Variants in PSMD12 observed in about 807,000 individuals in gnomAD.
PSMD12 encodes 26S proteasome non-ATPase regulatory subunit 12.
In PSMD12, 8 loss-of-function variants were observed where a neutral mutation model predicts 62.9. That is an observed-to-expected ratio of 0.13 (90% CI 0.07 to 0.23). The LOEUF is 0.23. PSMD12 is among the 10% of genes least tolerant of loss of function. PSMD12 has a pLI of 1.00. For missense variants in PSMD12, 424 were observed against 550.2 expected (o/e 0.77, Z 2.29); for synonymous variants, 173 against 187.4 (o/e 0.92, Z 0.63).
At chr17:67,357,703 C>T in intron 1 of PSMD12, 125 bp from the exon 2 acceptor site, 1 of 902,478 alleles carries the variant, frequency 1.1e-6, no homozygotes, top group Non-Finnish European at 1.7e-6. Flanking sequence ...AAAGGACTAC[C>T]CATAACTAGT....
rs1346043049 is a variant in PSMD12 at position 67,340,125 on chromosome 17, C to G, written c.*718G>C. Reference sequence around the variant, plus strand: ...AAAAAAAAAAAAGTAGTCACTATCCCTATAGAGCGGACTTAACACCCAATA... The same window carrying G: ...AAAAAAAAAAAAGTAGTCACTATCCGTATAGAGCGGACTTAACACCCAATA... On this transcript the variant is annotated 3_prime_UTR_variant, in exon 11 of 11. Coordinates refer to ENST00000356126, the MANE Select transcript of PSMD12 (RefSeq NM_002816.5). 6.7e-6 allele frequency: 1 copy of G among 149,446 alleles called. No individual in the cohort carries two copies. The highest frequency in any genetic ancestry group is 6.7e-5 in the Admixed American group (1 of 14,922). 9.3% of individuals were successfully genotyped at this position (149,446 alleles called of 1,614,324 possible). A position where few individuals can be genotyped will look rare whatever the true frequency, so the allele number is the denominator to read the frequency against.
Position 67,340,345 on chromosome 17 carries a change from C to G in PSMD12, c.*498G>C, listed in dbSNP as rs1246315332. The G allele has an allele frequency of 6.6e-6, 1 of 151,908 alleles. No homozygotes were observed. Among genetic ancestry groups the G allele is most frequent in the Non-Finnish European group, 1.5e-5 (1 of 68,158 alleles). 9.4% of individuals were successfully genotyped at this position (151,908 alleles called of 1,614,324 possible). A position where few individuals can be genotyped will look rare whatever the true frequency, so the allele number is the denominator to read the frequency against. ...ATCAAAGTACAAATTCTTCACAAAT[C>G]ACAACTCTATCCCAAATGTTCTTGT... On this transcript the variant is annotated 3_prime_UTR_variant, in exon 11 of 11. Coordinates refer to ENST00000356126, the MANE Select transcript of PSMD12 (RefSeq NM_002816.5).
chr17:67,355,983 C>T (rs2042066039), intron 3 of PSMD12, among the ~76,000 whole-genome samples: 1 of 74,376 alleles, frequency 1.3e-5, no homozygotes, highest in African/African-American at 5.4e-5. Context: ...CACACACACA[C>T]ACACACACAC....
rs149562245 is a variant in PSMD12, at chr17:67,351,261, G to A, written c.298-925C>T. On this transcript the variant is annotated intron_variant, in intron 3 of 10. Transcript: ENST00000356126. ...AAAAAAATTAACCAGGCGTGGTGGC[G>A]GATGCCTGTAGTTCCAGCTACTTGG... Among the ~76,000 whole-genome samples, 939 of 152,010 alleles carry A rather than the reference G, an allele frequency of 6.2e-3. 15 individuals carry two copies. The highest frequency in any genetic ancestry group is 0.022 in the African/African-American group (905 of 41,454).
intron 4 of PSMD12, among the ~76,000 whole-genome samples, chr17:67,349,221 G>A (rs1434825621): frequency 6.6e-6 from 1 of 152,150 alleles, no homozygotes; most frequent in East Asian, 1.9e-4. Flanking sequence ...GTTTCTCCAT[G>A]TTGGTCAAGC....
chr17:67,351,232 A>T (rs1293231339), intron 3 of PSMD12, among the ~76,000 whole-genome samples: 1 of 152,056 alleles, frequency 6.6e-6, no homozygotes, highest in Non-Finnish European at 1.5e-5. Context: ...TCTACTAAAA[A>T]TACAAAAAAA....
intron 1 of PSMD12, among the ~76,000 whole-genome samples, 175 bp from the exon 2 acceptor site, chr17:67,357,753 G>A (rs1355677172): frequency 6.6e-6 from 1 of 152,198 alleles, no homozygotes; most frequent in African/African-American, 2.4e-5. Context: ...TCCTTCTCTA[G>A]TGGGTTCCAT....
intron 1 of PSMD12, among the ~76,000 whole-genome samples, chr17:67,357,956 C>T (rs908554395): frequency 7.3e-5 from 11 of 151,288 alleles, no homozygotes; most frequent in Non-Finnish European, 1.6e-4. Flanking sequence ...GAGTCTCACT[C>T]TTTCACCCAG....
chr17:67,344,893 G>C, intron 8 of PSMD12, 113 bp from the exon 9 acceptor site: 1 of 866,808 alleles, frequency 1.2e-6, no homozygotes, highest in Non-Finnish European at 1.7e-6. Flanking sequence ...ATTTTATTTA[G>C]TAGAATGAGA....
chr17:67,338,505 A>C lies in PSMD12; in HGVS notation c.*2338T>G, dbSNP rs910977764. On this transcript the variant is annotated 3_prime_UTR_variant, in exon 11 of 11. Transcript: ENST00000356126. ...GAGTGCAATTTGGTCACTGGGACACAGTTACAAATAGCACTGAATCATAAT... is the reference window on the plus strand; with the variant it reads ...GAGTGCAATTTGGTCACTGGGACACCGTTACAAATAGCACTGAATCATAAT... 5 of 152,256 alleles carry C rather than the reference A, an allele frequency of 3.3e-5. No individual in the cohort carries two copies. Among genetic ancestry groups the C allele is most frequent in the Non-Finnish European group, 5.9e-5 (4 of 68,048 alleles). 9.4% of individuals were successfully genotyped at this position (152,256 alleles called of 1,614,324 possible). A position where few individuals can be genotyped will look rare whatever the true frequency, so the allele number is the denominator to read the frequency against.
chr17:67,352,035 C>T (rs565812405), intron 3 of PSMD12, among the ~76,000 whole-genome samples: 195 of 150,620 alleles, frequency 1.3e-3, no homozygotes, highest in Admixed American at 2.1e-3. Context: ...GAGCCAAGAT[C>T]GCACCACTGC....
intron 1 of PSMD12, among the ~76,000 whole-genome samples, chr17:67,365,995 G>C (rs374786638): frequency 5.3e-5 from 8 of 152,198 alleles, no homozygotes; most frequent in African/African-American, 1.7e-4. Flanking sequence ...CCAAAGACCA[G>C]GCACATAGCC....
Position 67,366,522 on chromosome 17 carries a change from TC to T in PSMD12, c.-4del. 1 of 1,602,608 alleles carries T rather than the reference TC, an allele frequency of 6.2e-7. No homozygotes were observed. Among genetic ancestry groups the T allele is most frequent in the Admixed American group, 1.7e-5 (1 of 59,730 alleles). ...CGCTCCGAGCCGCCGTCCGCCATGG[TC>T]CCCGCCTGAGCGTCCCTTGCTGTCC... On this transcript the variant is annotated 5_prime_UTR_variant, in exon 1 of 11. Coordinates refer to ENST00000356126, the MANE Select transcript of PSMD12 (RefSeq NM_002816.5).
At chr17:67,343,316 G>C (rs1366730492) in intron 9 of PSMD12, among the ~76,000 whole-genome samples, 1 of 152,084 alleles carries the variant, frequency 6.6e-6, no homozygotes, top group African/African-American at 2.4e-5. Context: ...GCATTCTATT[G>C]ATTTCCTTCC....
At chr17:67,363,956 C>G (rs1050774733) in intron 1 of PSMD12, among the ~76,000 whole-genome samples, 2 of 151,752 alleles carry the variant, frequency 1.3e-5, no homozygotes, top group Non-Finnish European at 2.9e-5. Context: ...GGCTGAGGCA[C>G]GAGAATCGCT....
intron 7 of PSMD12, among the ~76,000 whole-genome samples, chr17:67,346,285 C>T (rs1355110187): frequency 6.6e-6 from 1 of 151,898 alleles, no homozygotes; most frequent in African/African-American, 2.4e-5. Context: ...GTCCCAGATA[C>T]TCGGGAGGCT....
chr17:67,366,344 G>A (rs1037014810), intron 1 of PSMD12, 68 bp downstream of exon 1: 7 of 1,454,168 alleles, frequency 4.8e-6, no homozygotes, highest in Middle Eastern at 3.5e-4. Flanking sequence ...GCCCCCTGAG[G>A]CCTAAGCAGG....
intron 1 of PSMD12, among the ~76,000 whole-genome samples, chr17:67,358,790 T>C (rs2042103363): frequency 6.6e-6 from 1 of 152,116 alleles, no homozygotes; most frequent in Non-Finnish European, 1.5e-5. Flanking sequence ...TGAAGGCATC[T>C]GAGAACACCC....
At chr17:67,346,072 C>T (rs558768894) in intron 7 of PSMD12, among the ~76,000 whole-genome samples, 2 of 151,698 alleles carry the variant, frequency 1.3e-5, no homozygotes, top group East Asian at 3.9e-4. Flanking sequence ...CACAGTGAAA[C>T]CCCATCTCTA....
Sources: allele counts gnomAD v4.1 joint callset (sites outside exome capture counted in the v4.1 genomes callset), GRCh38; gene constraint gnomAD v4.1.1; transcripts MANE v1.5; gene names NCBI Gene and HGNC (gene_info 2026-07-23, HGNC 2026-07-21).